The following RAB10 variants were observed in gnomAD, a reference collection of about 807,000 sequenced individuals.
RAB10 encodes ras-related protein Rab-10.
A neutral mutation model predicts 25.7 loss-of-function variants in RAB10; 5 were observed. The ratio of observed to expected loss-of-function variants is 0.19; its 90% CI spans 0.10 to 0.41. The LOEUF (loss-of-function observed/expected upper bound fraction) is 0.41, where lower values mean the gene tolerates loss of function less well. RAB10 is among the 10% of genes least tolerant of loss of function. RAB10 has a pLI of 1.00. For missense variants in RAB10, 103 were observed against 245.8 expected (o/e 0.42, Z 3.89); for synonymous variants, 89 against 86.4 (o/e 1.03, Z -0.16).
intron 1 of RAB10, among the ~76,000 whole-genome samples, chr2:26,080,622 C>T (rs538906210): frequency 6.6e-6 from 1 of 152,244 alleles, no homozygotes; most frequent in African/African-American, 2.4e-5. Context: ...GATCCTCCTG[C>T]TCATCCTAAA....
chr2:26,042,180 G>C, intron 1 of RAB10, among the ~76,000 whole-genome samples: 1 of 152,104 alleles, frequency 6.6e-6, no homozygotes, highest in East Asian at 1.9e-4. Flanking sequence ...TTTTAACAGG[G>C]AATATTTTTC....
chr2:26,041,720 C>T (rs1665890570), intron 1 of RAB10, among the ~76,000 whole-genome samples: 1 of 151,986 alleles, frequency 6.6e-6, no homozygotes, highest in African/African-American at 2.4e-5. Context: ...GCCTGGCCAA[C>T]ATGGTGAAAC....
At chr2:26,052,116 G>T (rs1489907138) in intron 1 of RAB10, among the ~76,000 whole-genome samples, 1 of 151,678 alleles carries the variant, frequency 6.6e-6, no homozygotes, top group Middle Eastern at 3.2e-3. Flanking sequence ...GGTGACTTAT[G>T]CCTGTAATCC....
chr2:26,090,620 C>T (rs181798986), intron 1 of RAB10, among the ~76,000 whole-genome samples: 306 of 148,342 alleles, frequency 2.1e-3, no homozygotes, highest in African/African-American at 7.3e-3. Flanking sequence ...CCTCTGTTAA[C>T]TTTTTTTTTT....
At chr2:26,084,117 T>C (rs1056604778) in intron 1 of RAB10, among the ~76,000 whole-genome samples, 1 of 152,204 alleles carries the variant, frequency 6.6e-6, no homozygotes, top group African/African-American at 2.4e-5. Flanking sequence ...CTTGTTATTT[T>C]CTCTGCCTGG....
chr2:26,128,497 T>A (rs1667947173), intron 5 of RAB10, among the ~76,000 whole-genome samples: 2 of 152,246 alleles, frequency 1.3e-5, no homozygotes, highest in African/African-American at 4.8e-5. Flanking sequence ...CCACAGTCAC[T>A]GTCTAGTCCC....
At chr2:26,047,723 G>GTTTTT (rs34517359) in intron 1 of RAB10, among the ~76,000 whole-genome samples, 16 of 107,858 alleles carry the variant, frequency 1.5e-4, no homozygotes, top group East Asian at 5.5e-4. Flanking sequence ...TGCCTGGCCT[G>GTTTTT]TTTTTTTTTT....
intron 1 of RAB10, among the ~76,000 whole-genome samples, chr2:26,094,717 C>T (rs1667175492): frequency 6.6e-6 from 1 of 152,134 alleles, no homozygotes; most frequent in Non-Finnish European, 1.5e-5. Context: ...TGCCACCATG[C>T]CTGGCTAATT....
chr2:26,042,313 A>G (rs1217523145), intron 1 of RAB10, among the ~76,000 whole-genome samples: 1 of 152,166 alleles, frequency 6.6e-6, no homozygotes, highest in Non-Finnish European at 1.5e-5. Flanking sequence ...TTGGAAGAGT[A>G]GGTTGGTTCC....
At chr2:26,100,013 C>T (rs1168388669) in intron 2 of RAB10, among the ~76,000 whole-genome samples, 1 of 152,174 alleles carries the variant, frequency 6.6e-6, no homozygotes, top group Admixed American at 6.5e-5. Context: ...CCATCCCCCA[C>T]CAGTTGTTAA....
chr2:26,061,659 G>T (rs541180308), intron 1 of RAB10, among the ~76,000 whole-genome samples: 6 of 152,140 alleles, frequency 3.9e-5, no homozygotes, highest in South Asian at 4.1e-4. Flanking sequence ...CCAAAGGGCG[G>T]TAATTATAGG....
At chr2:26,033,843 TC>T (rs1451800383), upstream of RAB10, among the ~76,000 whole-genome samples, 1 of 152,026 alleles carries the variant, frequency 6.6e-6, no homozygotes, top group Non-Finnish European at 1.5e-5. Flanking sequence ...AGGTAGCGTC[TC>T]CCCCGGGGCG....
At chr2:26,093,560 C>T (rs554252855) in intron 1 of RAB10, among the ~76,000 whole-genome samples, 2 of 152,262 alleles carry the variant, frequency 1.3e-5, no homozygotes, top group East Asian at 3.9e-4. Context: ...TTGAGGCTTG[C>T]ATAGATACCT....
chr2:26,107,795 T>A, intron 2 of RAB10, among the ~76,000 whole-genome samples: 1 of 144,306 alleles, frequency 6.9e-6, no homozygotes. Context: ...AAACTCTATC[T>A]CAAAAAAAAA....
At chr2:26,042,204 GTC>G (rs1440862887) in intron 1 of RAB10, among the ~76,000 whole-genome samples, 1 of 152,192 alleles carries the variant, frequency 6.6e-6, no homozygotes, top group African/African-American at 2.4e-5. Flanking sequence ...GGGAATTGGA[GTC>G]TCTCGGCTCC....
chr2:26,035,664 C>G (rs1472297774), intron 1 of RAB10, among the ~76,000 whole-genome samples: 3 of 152,144 alleles, frequency 2.0e-5, no homozygotes, highest in African/African-American at 7.2e-5. Flanking sequence ...CCATCCGCTC[C>G]GCAATAAATT....
chr2:26,050,965 C>T (rs1666118702), intron 1 of RAB10, among the ~76,000 whole-genome samples: 1 of 152,004 alleles, frequency 6.6e-6, no homozygotes, highest in African/African-American at 2.4e-5. Context: ...GTCTCCCAGG[C>T]TAGAGTGCAG....
rs1667558811 is a variant in RAB10 at position 26,111,069 on chromosome 2, A to T, written c.327+1163A>T. On this transcript the variant is annotated intron_variant, in intron 3 of 5. Coordinates refer to ENST00000264710, the MANE Select transcript of RAB10 (RefSeq NM_016131.5). Reference sequence around the variant, plus strand: ...CATGTCTGTTTCTTTGCTACAGCATAGGTGGCTTCTTGTTAAGAGTTGTTT... The same window carrying T: ...CATGTCTGTTTCTTTGCTACAGCATTGGTGGCTTCTTGTTAAGAGTTGTTT... Among the ~76,000 whole-genome samples the T allele has an allele frequency of 3.3e-5, 5 of 152,220 alleles. No individual in the cohort carries two copies. In the South Asian group the frequency reaches 1.0e-3, roughly 32 times the overall value.
chr2:26,095,815 G>C (rs1249755112), intron 1 of RAB10, among the ~76,000 whole-genome samples: 1 of 152,118 alleles, frequency 6.6e-6, no homozygotes, highest in Non-Finnish European at 1.5e-5. Context: ...AGGAGGCTGA[G>C]GTGGGAGGAT....
Sources: allele counts gnomAD v4.1 joint callset (sites outside exome capture counted in the v4.1 genomes callset), GRCh38; gene constraint gnomAD v4.1.1; transcripts MANE v1.5; gene names NCBI Gene and HGNC (gene_info 2026-07-23, HGNC 2026-07-21).